CTNNA3: variants seen among roughly 807,000 people sequenced by gnomAD.
CTNNA3 encodes catenin alpha-3.
Under a neutral mutation model 95.7 loss-of-function variants are expected in CTNNA3, and 76 were observed. That is an observed-to-expected ratio of 0.79 (90% confidence interval 0.66 to 0.96). The LOEUF (loss-of-function observed/expected upper bound fraction) is 0.96. Ranked by LOEUF, CTNNA3 falls within the 40% of genes least tolerant of loss-of-function variation. The pLI is 0.00. For synonymous variants in CTNNA3, 431 were observed against 374.4 expected (o/e 1.15, Z -1.74); for missense variants, 1,191 against 1,089.8 (o/e 1.09, Z -1.31).
At chr10:66,489,741 A>G (rs921870312) in intron 11 of CTNNA3, among the ~76,000 whole-genome samples, 2 of 152,158 alleles carry the variant, frequency 1.3e-5, no homozygotes, top group Admixed American at 1.3e-4. Flanking sequence ...ATTCAACTAG[A>G]TACTTCAGGA....
intron 5 of CTNNA3, among the ~76,000 whole-genome samples, chr10:67,332,643 A>T (rs1177828456): frequency 6.7e-6 from 1 of 149,594 alleles, no homozygotes; most frequent in African/African-American, 2.4e-5. Flanking sequence ...CTCAAGATCT[A>T]CTCAAGCTCA....
intron 15 of CTNNA3, among the ~76,000 whole-genome samples, chr10:66,028,779 GAGATTACTCA>G (rs1365604557): frequency 2.0e-5 from 3 of 152,068 alleles, no homozygotes; most frequent in Non-Finnish European, 4.4e-5. Context: ...TGGGGAAGCA[GAGATTACTCA>G]AAGAAAAGGA....
intron 17 of CTNNA3, among the ~76,000 whole-genome samples, chr10:65,961,297 T>A (rs2077837418): frequency 6.6e-6 from 1 of 152,182 alleles, no homozygotes; most frequent in Non-Finnish European, 1.5e-5. Context: ...CATTGCATAC[T>A]CAGTACTCAA....
At chr10:66,099,952 T>C (rs1192109785) in intron 14 of CTNNA3, among the ~76,000 whole-genome samples, 2 of 152,150 alleles carry the variant, frequency 1.3e-5, no homozygotes, top group East Asian at 3.9e-4. Context: ...ATTTGAGCCT[T>C]AGTGATCTTA....
intron 15 of CTNNA3, among the ~76,000 whole-genome samples, chr10:66,051,754 C>G (rs2079963744): frequency 6.6e-6 from 1 of 152,294 alleles, no homozygotes; most frequent in Non-Finnish European, 1.5e-5. Flanking sequence ...TGCAGACTAT[C>G]AATTCTATCA....
At chr10:67,538,004 A>G (rs1840538185) in intron 4 of CTNNA3, among the ~76,000 whole-genome samples, 1 of 152,000 alleles carries the variant, frequency 6.6e-6, no homozygotes, top group South Asian at 2.1e-4. Flanking sequence ...TTTTACTGTA[A>G]TAAAACTATC....
intron 5 of CTNNA3, among the ~76,000 whole-genome samples, chr10:67,509,246 G>T (rs1361741509): frequency 2.0e-5 from 3 of 151,364 alleles, no homozygotes; most frequent in Non-Finnish European, 4.4e-5. Flanking sequence ...CAATGTGCAG[G>T]TTTGTTACAT....
At chr10:67,468,472 A>G (rs900220234) in intron 5 of CTNNA3, among the ~76,000 whole-genome samples, 2 of 152,214 alleles carry the variant, frequency 1.3e-5, no homozygotes, top group African/African-American at 4.8e-5. Flanking sequence ...ATTCAGCCAC[A>G]GAGTGTCAGT....
intron 5 of CTNNA3, among the ~76,000 whole-genome samples, chr10:67,500,095 C>A (rs1839181099): frequency 6.6e-6 from 1 of 152,052 alleles, no homozygotes; most frequent in African/African-American, 2.4e-5. Context: ...CTGTACACAC[C>A]ACTTTAGCTG....
chr10:66,152,384 T>C (rs2084250228), intron 13 of CTNNA3, among the ~76,000 whole-genome samples: 1 of 151,864 alleles, frequency 6.6e-6, no homozygotes, highest in African/African-American at 2.4e-5. Context: ...ATTAGCTAAA[T>C]TATATTTCCA....
At chr10:66,635,561 T>C (rs924635508) in intron 9 of CTNNA3, among the ~76,000 whole-genome samples, 2 of 152,170 alleles carry the variant, frequency 1.3e-5, no homozygotes, top group Non-Finnish European at 2.9e-5. Context: ...GTGAGTCTAT[T>C]TCTGAATCAA....
intron 5 of CTNNA3, among the ~76,000 whole-genome samples, chr10:67,429,190 T>C (rs572620023): frequency 3.0e-4 from 46 of 152,096 alleles, no homozygotes; most frequent in Admixed American, 2.5e-3. Flanking sequence ...TGGCCCCTCC[T>C]TACAAATAAA....
At chr10:66,826,778 A>G (rs1376866875) in intron 7 of CTNNA3, among the ~76,000 whole-genome samples, 1 of 152,210 alleles carries the variant, frequency 6.6e-6, no homozygotes, top group East Asian at 1.9e-4. Flanking sequence ...TTAGAAAATG[A>G]ACACATTAGA....
At chr10:65,950,912 A>AT (rs150151507) in intron 17 of CTNNA3, among the ~76,000 whole-genome samples, 4,835 of 151,156 alleles carry the variant, frequency 0.032, 96 homozygotes, top group Middle Eastern at 0.078. Context: ...CTTCATCCAG[A>AT]TTTTTTTTTC....
rs56736326 is a variant in CTNNA3, at chr10:67,368,721, C to T, written c.580-148851G>A. 0.018 allele frequency among the ~76,000 whole-genome samples: 2,715 copies of T among 152,122 alleles called. 208 individuals are homozygous for T. The East Asian group carries it at 0.24, about 13-fold the overall frequency. On this transcript the variant is annotated intron_variant, in intron 5 of 17. Coordinates refer to ENST00000433211, the MANE Select transcript of CTNNA3 (RefSeq NM_013266.4). ...TAAACACAACATGATGGATGAATCTCAAAATAATTATGCTGAGTGAAAAAA... is the reference window on the plus strand; with the variant it reads ...TAAACACAACATGATGGATGAATCTTAAAATAATTATGCTGAGTGAAAAAA...
chr10:67,731,405 T>C (rs1216086790), intron 1 of CTNNA3, among the ~76,000 whole-genome samples: 2 of 151,946 alleles, frequency 1.3e-5, no homozygotes, highest in Non-Finnish European at 2.9e-5. Flanking sequence ...CGGTTGAACC[T>C]GGGAAGCGGA....
chr10:67,347,668 CTT>C (rs1478855049), intron 5 of CTNNA3, among the ~76,000 whole-genome samples: 15 of 151,854 alleles, frequency 9.9e-5, no homozygotes, highest in Admixed American at 7.2e-4. Context: ...ACATGTTGCT[CTT>C]ATCAATTTTT....
intron 7 of CTNNA3, among the ~76,000 whole-genome samples, chr10:66,889,926 G>T (rs1455961828): frequency 6.6e-6 from 1 of 152,034 alleles, no homozygotes; most frequent in Non-Finnish European, 1.5e-5. Context: ...AAGTAGTTGG[G>T]ATTACAGGCT....
intron 1 of CTNNA3, among the ~76,000 whole-genome samples, chr10:67,737,904 G>A (rs183995454): frequency 8.6e-4 from 131 of 152,176 alleles, no homozygotes; most frequent in African/African-American, 3.0e-3. Context: ...CCCATTACTG[G>A]GTATATACCC....
Sources: gnomAD v4.1 joint callset for allele counts (sites outside exome capture counted in the v4.1 genomes callset) on GRCh38, gnomAD v4.1.1 for gene constraint, MANE v1.5 for transcripts, NCBI Gene and HGNC (gene_info 2026-07-23, HGNC 2026-07-21) for gene names.